The following IL12A variants were observed in gnomAD, a reference collection of about 807,000 sequenced individuals.
The protein encoded by IL12A is interleukin 12A, also known as interleukin-12 subunit alpha.
In IL12A, 16 loss-of-function variants were observed where a neutral mutation model predicts 23.5. The observed-to-expected ratio is 0.68, with a 90% confidence interval of 0.46 to 1.03. The LOEUF (loss-of-function observed/expected upper bound fraction) is 1.03. Among genes scored for constraint, IL12A ranks in the 50% least tolerant of loss-of-function variants. IL12A has a pLI of 0.00. For missense variants in IL12A, 275 were observed against 307.0 expected (o/e 0.90, Z 0.78); for synonymous variants, 106 against 111.5 (o/e 0.95, Z 0.31).
intron 2 of IL12A, among the ~76,000 whole-genome samples, chr3:159,991,059 T>C (rs1720290602): frequency 2.0e-5 from 3 of 152,272 alleles, no homozygotes; most frequent in South Asian, 4.1e-4. Context: ...CCAAGCCTTC[T>C]TAAAGGGCTC....
At position 159,995,969 on chromosome 3, in the gene IL12A, T is replaced by C. The variant is rs1720492444; in HGVS notation, c.*410T>C. On this transcript the variant is annotated 3_prime_UTR_variant, in exon 7 of 7. Transcript: ENST00000305579. The stretch of plus-strand genomic sequence containing the variant: ...TTATTAAATTATTTATCAAGTGTAT[T>C]TGAAAAATATTTTTAAGTGTTCTAA... 1 of 152,172 alleles carries C rather than the reference T, an allele frequency of 6.6e-6. No individual in the cohort carries two copies. The highest frequency in any genetic ancestry group is 6.5e-5 in the Admixed American group (1 of 15,280). The allele number at this position is 152,172 out of a possible 1,614,324, so 9.4% of individuals were successfully genotyped here.
chr3:159,992,493 G>A (rs140817994), intron 2 of IL12A, among the ~76,000 whole-genome samples: 9 of 152,210 alleles, frequency 5.9e-5, no homozygotes, highest in African/African-American at 1.9e-4. Flanking sequence ...TTTACCCAAC[G>A]GTGCTTTCCA....
chr3:159,993,764 A>T lies in IL12A; in HGVS notation c.526A>T (p.Asn176Tyr), dbSNP rs781551474. The T allele has an allele frequency of 6.2e-7, 1 of 1,614,160 alleles. No individual in the cohort carries two copies. Among genetic ancestry groups the T allele is most frequent in the Non-Finnish European group, 8.5e-7 (1 of 1,179,970 alleles). ...GTACCAGGTGGAGTTCAAGACCATGAATGCAAAGCTTCTGATGGATCCTAA... is the reference window on the plus strand; with the variant it reads ...GTACCAGGTGGAGTTCAAGACCATGTATGCAAAGCTTCTGATGGATCCTAA... The change falls in exon 6 of 7, where the codon AAT becomes TAT. Residue 176 changes from asparagine to tyrosine, a missense_variant. Asn to Tyr is a moderately radical substitution (Grantham distance 143, BLOSUM62 -2). Coordinates refer to ENST00000305579, the MANE Select transcript of IL12A (RefSeq NM_000882.4).
rs2108047179 is a variant in IL12A, at chr3:159,993,759, C to T, written c.521C>T (p.Thr174Ile). The T allele has an allele frequency of 1.2e-6, 2 of 1,614,024 alleles. No individual in the cohort carries two copies. Among genetic ancestry groups the T allele is most frequent in the Non-Finnish European group, 1.7e-6 (2 of 1,179,892 alleles). Reference sequence around the variant, plus strand: ...AAGATGTACCAGGTGGAGTTCAAGACCATGAATGCAAAGCTTCTGATGGAT... The same window carrying T: ...AAGATGTACCAGGTGGAGTTCAAGATCATGAATGCAAAGCTTCTGATGGAT... The change falls in exon 6 of 7, where the codon ACC (threonine) becomes ATC (isoleucine). Residue 174 changes from threonine to isoleucine, a missense_variant. Physicochemically the swap from Thr to Ile is moderately conservative, Grantham distance 89. Coordinates refer to ENST00000305579, the MANE Select transcript of IL12A (RefSeq NM_000882.4).
chr3:159,990,416 A>C (rs1223897110), intron 2 of IL12A, 104 bp downstream of exon 2: 1 of 1,210,812 alleles, frequency 8.3e-7, no homozygotes, highest in African/African-American at 1.5e-5. Flanking sequence ...GAAATTGTGG[A>C]AGTTCATTAG....
chr3:159,993,972 G>GGCTGTCTTCTTGAA, intron 6 of IL12A, 128 bp downstream of exon 6: 1 of 901,022 alleles, frequency 1.1e-6, no homozygotes, highest in Non-Finnish European at 1.7e-6. Flanking sequence ...ACATTTTCAA[G>GGCTGTCTTCTTGAA]AAGACAGCCT....
intron 6 of IL12A, among the ~76,000 whole-genome samples, chr3:159,994,466 A>G (rs985953779): frequency 1.3e-5 from 2 of 152,202 alleles, no homozygotes; most frequent in African/African-American, 4.8e-5. Flanking sequence ...ATGCTAATAT[A>G]AAACAAATAT....
Position 159,995,529 on chromosome 3 carries a change from T to G in IL12A, c.732T>G (p.Asp244Glu), listed in dbSNP as rs1042154. The change falls in exon 7 of 7, where the codon GAT (aspartate) becomes GAG (glutamate). Residue 244 changes from aspartate (D) to glutamate (E), a missense_variant. Coordinates refer to ENST00000305579, the MANE Select transcript of IL12A (RefSeq NM_000882.4). ...TCAGAATTCGGGCAGTGACTATTGATAGAGTGATGAGCTATCTGAATGCTT... is the reference window on the plus strand; with the variant it reads ...TCAGAATTCGGGCAGTGACTATTGAGAGAGTGATGAGCTATCTGAATGCTT... 1 of 1,608,636 alleles carries G rather than the reference T, an allele frequency of 6.2e-7. No homozygotes were observed. The highest frequency in any genetic ancestry group is 1.7e-5 in the Admixed American group (1 of 59,036).
chr3:159,988,975 T>TAG lies in IL12A; in HGVS notation c.-74_-73dup. ...CGCACGTGTCACCGAGAAGCTGATGTAGAGAGAGACACAGAAGGAGACAGA... is the reference window on the plus strand; with the variant it reads ...CGCACGTGTCACCGAGAAGCTGATGTAGAGAGAGAGACACAGAAGGAGACAGA... On this transcript the variant is annotated 5_prime_UTR_variant, in exon 1 of 7. Coordinates refer to ENST00000305579, the MANE Select transcript of IL12A (RefSeq NM_000882.4). 1 of 1,161,852 alleles carries TAG rather than the reference T, an allele frequency of 8.6e-7. No individual in the cohort carries two copies. Among genetic ancestry groups the TAG allele is most frequent in the Admixed American group, 1.8e-5 (1 of 57,108 alleles). The allele number at this position is 1,161,852 out of a possible 1,614,324, so 72.0% of individuals were successfully genotyped here. A position where few individuals can be genotyped will look rare whatever the true frequency, so the allele number is the denominator to read the frequency against.
At chr3:159,992,358 G>A (rs909856911) in intron 2 of IL12A, among the ~76,000 whole-genome samples, 1 of 152,124 alleles carries the variant, frequency 6.6e-6, no homozygotes, top group African/African-American at 2.4e-5. Context: ...GGTATACATG[G>A]TCCTCTTCTC....
In IL12A at chr3:159,995,794, T is replaced by G; in HGVS notation, c.*235T>G. The G allele has an allele frequency of 3.2e-6, 1 of 316,310 alleles. No homozygotes were observed. The highest frequency in any genetic ancestry group is 5.7e-6 in the Non-Finnish European group (1 of 175,000). The allele number at this position is 316,310 out of a possible 1,614,324, so 19.6% of individuals were successfully genotyped here. A position where few individuals can be genotyped will look rare whatever the true frequency, so the allele number is the denominator to read the frequency against. ...ATCCTGAAGGTGTTTTTCATTCACT[T>G]TAATAGAAGGGCAAATATTTATAAG... On this transcript the variant is annotated 3_prime_UTR_variant, in exon 7 of 7. Transcript: ENST00000305579.
At chr3:159,993,270 AATT>A in intron 3 of IL12A, 145 bp downstream of exon 3, 2 of 726,052 alleles carry the variant, frequency 2.8e-6, no homozygotes, top group Non-Finnish European at 4.5e-6. Flanking sequence ...TTGGGAGAAA[AATT>A]ATTTTTAAAA....
rs990104054 is a variant in IL12A, at chr3:159,993,497, G to A, written c.420+5G>A. On this transcript the variant is annotated splice_donor_5th_base_variant and intron_variant, in intron 4 of 6. Transcript: ENST00000305579. ...AGAGAGACCTCTTTCATAACTGTAA[G>A]TCAAAAAATGAAAAGTTTCAGCCTG... The A allele has an allele frequency of 2.5e-6, 4 of 1,613,600 alleles. No homozygotes were observed. Among genetic ancestry groups the A allele is most frequent in the African/African-American group, 1.3e-5 (1 of 74,896 alleles).
intron 1 of IL12A, among the ~76,000 whole-genome samples, chr3:159,989,862 C>G (rs1720236557): frequency 6.6e-6 from 1 of 152,208 alleles, no homozygotes; most frequent in Non-Finnish European, 1.5e-5. Flanking sequence ...GCCACTTCAC[C>G]ACCTGGTCTG....
At position 159,990,214 on chromosome 3, in the gene IL12A, G is replaced by T; in HGVS notation, c.166G>T (p.Ala56Ser). 2 of 1,613,966 alleles carry T rather than the reference G, an allele frequency of 1.2e-6. No homozygotes were observed. Among genetic ancestry groups the T allele is most frequent in the Non-Finnish European group, 8.5e-7 (1 of 1,179,998 alleles). ...GGTCCTCCTGGACCACCTCAGTTTGGCCAGAAACCTCCCCGTGGCCACTCC... is the reference window on the plus strand; with the variant it reads ...GGTCCTCCTGGACCACCTCAGTTTGTCCAGAAACCTCCCCGTGGCCACTCC... The change falls in exon 2 of 7, where the codon GCC becomes TCC. Residue 56 changes from alanine (A) to serine (S), a missense_variant. Coordinates refer to ENST00000305579, the MANE Select transcript of IL12A (RefSeq NM_000882.4).
At chr3:159,991,075 C>G (rs1336436842) in intron 2 of IL12A, among the ~76,000 whole-genome samples, 1 of 152,122 alleles carries the variant, frequency 6.6e-6, no homozygotes, top group African/African-American at 2.4e-5. Flanking sequence ...GGCTCCTTTC[C>G]CCTTTCAATC....
intron 6 of IL12A, chr3:159,994,104 T>TA: frequency 2.5e-6 from 1 of 403,504 alleles, no homozygotes; most frequent in South Asian, 3.3e-5. Flanking sequence ...TTTTCTTATG[T>TA]CAGCCTCAAA....
chr3:159,990,376 C>G, intron 2 of IL12A, 64 bp downstream of exon 2: 1 of 1,522,276 alleles, frequency 6.6e-7, no homozygotes, highest in Non-Finnish European at 9.0e-7. Context: ...GCCTCTGATC[C>G]TCCCCTCTGG....
chr3:159,992,467 A>G (rs1408113400), intron 2 of IL12A, among the ~76,000 whole-genome samples: 1 of 152,190 alleles, frequency 6.6e-6, no homozygotes, highest in Non-Finnish European at 1.5e-5. Flanking sequence ...TTACTTCCTA[A>G]GATACATTTC....
Sources: gnomAD v4.1 joint callset for allele counts (sites outside exome capture counted in the v4.1 genomes callset) on GRCh38, gnomAD v4.1.1 for gene constraint, MANE v1.5 for transcripts, NCBI Gene and HGNC (gene_info 2026-07-23, HGNC 2026-07-21) for gene names.